Variants in POLR3E observed in about 807,000 individuals in gnomAD.
POLR3E encodes the protein RNA polymerase III subunit E.
A neutral mutation model predicts 96.6 loss-of-function variants in POLR3E; 41 were observed. The observed-to-expected ratio is 0.42, with a 90% CI of 0.33 to 0.55. The LOEUF is 0.55. POLR3E is among the 20% of genes least tolerant of loss of function. The pLI is 0.06. For missense variants in POLR3E, 849 were observed against 952.1 expected (o/e 0.89, Z 1.43); for synonymous variants, 396 against 383.6 (o/e 1.03, Z -0.38).
intron 6 of POLR3E, among the ~76,000 whole-genome samples, chr16:22,311,519 G>C (rs945006964): frequency 2.0e-5 from 3 of 150,708 alleles, no homozygotes; most frequent in African/African-American, 7.3e-5. Flanking sequence ...TTTGGAGACC[G>C]GGTCTCACTC....
At chr16:22,323,894 C>A (rs1295823285) in intron 14 of POLR3E, among the ~76,000 whole-genome samples, 1 of 152,204 alleles carries the variant, frequency 6.6e-6, no homozygotes, top group East Asian at 1.9e-4. Context: ...CCCCACAAAT[C>A]TAATCAGAGT....
At chr16:22,325,181 T>A (rs748707254) in intron 16 of POLR3E, 24 bp from the exon 17 acceptor site, 11 of 1,592,310 alleles carry the variant, frequency 6.9e-6, no homozygotes, top group Non-Finnish European at 9.5e-6. Context: ...GGTTTAAAGT[T>A]AATGGGGTTA....
chr16:22,306,228 A>G (rs908078216), intron 3 of POLR3E, among the ~76,000 whole-genome samples: 2 of 152,120 alleles, frequency 1.3e-5, no homozygotes, highest in Non-Finnish European at 2.9e-5. Flanking sequence ...CATGGTAGCT[A>G]TAGCCTGCAT....
intron 17 of POLR3E, 98 bp downstream of exon 17, chr16:22,325,364 G>T: frequency 1.0e-6 from 1 of 977,480 alleles, no homozygotes; most frequent in Non-Finnish European, 1.7e-6. Flanking sequence ...CCTGGAGAGG[G>T]TGGAGGGCTC....
At chr16:22,298,511 C>T (rs879787710) in intron 1 of POLR3E, among the ~76,000 whole-genome samples, 52 of 152,114 alleles carry the variant, frequency 3.4e-4, no homozygotes, top group Non-Finnish European at 6.5e-4. Flanking sequence ...GGAGGAATAC[C>T]AAACCCAGAC....
Position 22,326,092 on chromosome 16 carries a change from G to T in POLR3E, c.1680G>T (p.Arg560=). 1 of 1,613,516 alleles carries T rather than the reference G, an allele frequency of 6.2e-7. No individual in the cohort carries two copies. The highest frequency in any genetic ancestry group is 2.2e-5 in the East Asian group (1 of 44,868). Residue 560 remains arginine (R), a synonymous_variant, in exon 18 of 21, where the codon CGG becomes CGT. Coordinates refer to ENST00000299853, the MANE Select transcript of POLR3E (RefSeq NM_018119.4). ...GCTGCGCCAGCACCCCTGTGGCTCGGGAACTGAAGGCCTTCGTGGAGGCCA... is the reference window on the plus strand; with the variant it reads ...GCTGCGCCAGCACCCCTGTGGCTCGTGAACTGAAGGCCTTCGTGGAGGCCA... ...PQGCASTPVA[R]ELKAFVEATF...
At chr16:22,332,295 A>G in intron 20 of POLR3E, 110 bp downstream of exon 20, 1 of 936,386 alleles carries the variant, frequency 1.1e-6, no homozygotes. Context: ...CTTCCTTGGG[A>G]CCACTCCCCA....
At chr16:22,323,654 G>A (rs1044384706) in intron 14 of POLR3E, among the ~76,000 whole-genome samples, 8 of 152,094 alleles carry the variant, frequency 5.3e-5, no homozygotes, top group Admixed American at 2.0e-4. Flanking sequence ...CCAGGTGCCC[G>A]AGCAGCATCT....
At position 22,335,027 on chromosome 16, in the gene POLR3E, C is replaced by G. The variant is rs1284373428; in HGVS notation, c.*1327C>G. ...GCCAAATAAGTATTTGGTAACATCA[C>G]TTAACAAGTTGATCGTGTATTGATT... On this transcript the variant is annotated 3_prime_UTR_variant, in exon 21 of 21. Coordinates refer to ENST00000299853, the MANE Select transcript of POLR3E (RefSeq NM_018119.4). 6.6e-6 allele frequency: 1 copy of G among 152,220 alleles called. No individual in the cohort carries two copies. The highest frequency in any genetic ancestry group is 1.9e-4 in the East Asian group (1 of 5,206). 9.4% of individuals were successfully genotyped at this position (152,220 alleles called of 1,614,324 possible). A position where few individuals can be genotyped will look rare whatever the true frequency, so the allele number is the denominator to read the frequency against.
chr16:22,298,589 G>A (rs929323656), intron 1 of POLR3E, among the ~76,000 whole-genome samples: 2 of 152,114 alleles, frequency 1.3e-5, no homozygotes, highest in African/African-American at 2.4e-5. Context: ...TTGTTCTCGG[G>A]TCCAAGCTCT....
chr16:22,298,625 A>T (rs753460793), intron 1 of POLR3E, among the ~76,000 whole-genome samples: 2 of 152,174 alleles, frequency 1.3e-5, no homozygotes, highest in East Asian at 1.9e-4. Flanking sequence ...ACTGCCGTTT[A>T]TCAGAAAACC....
rs1467934841 is a variant in POLR3E at position 22,313,938 on chromosome 16, T to C, written c.473-141T>C. ...GGTAAAGGGGCAAAACTGTCCCCGA[T>C]TGAGAACCACTGGCTTAGGCAGCTC... On this transcript the variant is annotated intron_variant, in intron 7 of 20. Transcript: ENST00000299853. The surrounding 1 kb of genome is among the most constrained non-coding windows in gnomAD (Gnocchi z 4.1). The C allele has an allele frequency of 1.0e-5, 8 of 781,184 alleles. No homozygotes were observed. Among genetic ancestry groups the C allele is most frequent in the East Asian group, 5.2e-5 (2 of 38,280 alleles). The allele number at this position is 781,184 out of a possible 1,614,324, so 48.4% of individuals were successfully genotyped here.
In POLR3E at chr16:22,326,286, G is replaced by C; in HGVS notation, c.1866+8G>C. 1.1e-6 allele frequency: 1 copy of C among 886,748 alleles called. No homozygotes were observed. 54.9% of individuals were successfully genotyped at this position (886,748 alleles called of 1,614,324 possible). On this transcript the variant is annotated splice_region_variant and intron_variant, in intron 18 of 20. Coordinates refer to ENST00000299853, the MANE Select transcript of POLR3E (RefSeq NM_018119.4). ...AAGCAGATACTGGTGCCTGTAAGTA[G>C]AGCCCTGCCTGCCAGGGGCATGGGG...
At chr16:22,325,650 T>C (rs2048565827) in intron 17 of POLR3E, 111 bp from the exon 18 acceptor site, 10 of 1,280,742 alleles carry the variant, frequency 7.8e-6, no homozygotes, top group Admixed American at 5.8e-5. Context: ...TCGAGAAAGG[T>C]TGGGGATGAG....
In POLR3E at chr16:22,333,693, A is replaced by C; in HGVS notation, c.2120A>C (p.Gln707Pro). ...GGMWYLKGTV[Q>P]S ...ATGTGGTACCTTAAAGGGACAGTAC[A>C]GTCTTGACAATAGTAGCAAACTACT... The change falls in exon 21 of 21, where the codon CAG (glutamine) becomes CCG (proline). Residue 707 changes from glutamine (Q) to proline (P), a missense_variant. Gln to Pro is a moderately conservative substitution (Grantham distance 76). Coordinates refer to ENST00000299853, the MANE Select transcript of POLR3E (RefSeq NM_018119.4). The C allele has an allele frequency of 6.2e-7, 1 of 1,607,454 alleles. No individual in the cohort carries two copies. Among genetic ancestry groups the C allele is most frequent in the Non-Finnish European group, 8.5e-7 (1 of 1,173,868 alleles).
chr16:22,327,712 G>C (rs1412252632), intron 18 of POLR3E: 1 of 152,302 alleles, frequency 6.6e-6, no homozygotes, highest in African/African-American at 2.4e-5. Flanking sequence ...AATAGATCGA[G>C]AACTTGACTT....
At position 22,309,000 on chromosome 16, in the gene POLR3E, G is replaced by A. The variant is rs374276149; in HGVS notation, c.241G>A (p.Val81Met). ...CAAAGGGGAGCAGATTGCGCTGAAC[G>A]TGGACGGGGCCTGCGCCGACGAGAC... is the stretch of plus-strand genomic sequence containing the variant. The part of the protein sequence containing the change: ...RSKGEQIALN[V>M]DGACADETST... The change falls in exon 5 of 21, where the codon GTG becomes ATG. Residue 81 changes from valine to methionine, a missense_variant. Val to Met is a conservative substitution (Grantham distance 21). Coordinates refer to ENST00000299853, the MANE Select transcript of POLR3E (RefSeq NM_018119.4). 13 of 1,613,802 alleles carry A rather than the reference G, an allele frequency of 8.1e-6. No homozygotes were observed. The highest frequency in any genetic ancestry group is 2.2e-5 in the East Asian group (1 of 44,878).
intron 2 of POLR3E, among the ~76,000 whole-genome samples, chr16:22,303,540 T>C (rs1238284526): frequency 6.6e-6 from 1 of 151,598 alleles, no homozygotes; most frequent in African/African-American, 2.4e-5. Context: ...GACACATCAG[T>C]GAGCAGGGCA....
chr16:22,316,611 C>G lies in POLR3E; in HGVS notation c.653C>G (p.Ser218Cys). 1 of 1,613,830 alleles carries G rather than the reference C, an allele frequency of 6.2e-7. No individual in the cohort carries two copies. The highest frequency in any genetic ancestry group is 2.2e-5 in the East Asian group (1 of 44,876). ...LHYYGLRDSR[S>C]EHERQYLLCP... ...GCCCTCCTCCAACAGGACAGTCGCT[C>G]TGAGCATGAGCGTCAGTACCTGCTG... The change falls in exon 10 of 21, where the codon TCT becomes TGT. Residue 218 changes from serine to cysteine, a missense_variant. By Grantham distance (112) the Ser-to-Cys change is moderately radical (BLOSUM62 -1). Coordinates refer to ENST00000299853, the MANE Select transcript of POLR3E (RefSeq NM_018119.4).
Sources: allele counts gnomAD v4.1 joint callset (sites outside exome capture counted in the v4.1 genomes callset), GRCh38; gene constraint gnomAD v4.1.1; non-coding constraint Gnocchi (gnomAD v3.1); transcripts MANE v1.5; gene names NCBI Gene and HGNC (gene_info 2026-07-23, HGNC 2026-07-21).